RYR3: variants seen among roughly 807,000 people sequenced by gnomAD.
RYR3 encodes brain ryanodine receptor-calcium release channel.
RYR3 carries 207 observed loss-of-function variants against 584.3 expected under a neutral mutation model. The observed-to-expected ratio is 0.35, with a 90% CI of 0.32 to 0.40. RYR3 has a LOEUF of 0.40. RYR3 is among the 10% of genes least tolerant of loss of function. RYR3 has a pLI of 1.00. For synonymous variants in RYR3, 2,416 were observed against 2,248.5 expected (o/e 1.07, Z -2.11); for missense variants, 5,616 against 6,089.2 (o/e 0.92, Z 2.59).
chr15:33,356,773 A>G (rs546104487), intron 1 of RYR3, among the ~76,000 whole-genome samples: 1 of 152,260 alleles, frequency 6.6e-6, no homozygotes, highest in Admixed American at 6.5e-5. Flanking sequence ...TAGTAAGGTA[A>G]GATTGAGGTT....
intron 43 of RYR3, among the ~76,000 whole-genome samples, chr15:33,720,295 T>A (rs1258374232): frequency 6.6e-6 from 1 of 152,104 alleles, no homozygotes; most frequent in Non-Finnish European, 1.5e-5. Context: ...GTGAGACACA[T>A]TCGGTATGTT....
At chr15:33,406,473 A>G (rs866511528) in intron 1 of RYR3, among the ~76,000 whole-genome samples, 5 of 152,338 alleles carry the variant, frequency 3.3e-5, no homozygotes, top group Middle Eastern at 3.4e-3. Context: ...GTATTGACCC[A>G]TGATATTTAG....
At position 33,465,630 on chromosome 15, in the gene RYR3, A is replaced by C. The variant is rs147136974; in HGVS notation, c.52-7789A>C. The C allele has an allele frequency of 1.0e-5, 5 of 488,340 alleles. No individual in the cohort carries two copies. In the East Asian group the frequency reaches 2.9e-4, roughly 28 times the overall value. 30.3% of individuals were successfully genotyped at this position (488,340 alleles called of 1,614,324 possible). On this transcript the variant is annotated intron_variant, in intron 1 of 103. Coordinates refer to ENST00000634891, the MANE Select transcript of RYR3 (RefSeq NM_001036.6). ...AGTGATTGGAGGCTTTCAAGTCGTG[A>C]AATGATGCGATCTCAGGTTTTTAAA...
chr15:33,803,362 A>G (rs1596677644), intron 69 of RYR3, among the ~76,000 whole-genome samples: 1 of 152,184 alleles, frequency 6.6e-6, no homozygotes, highest in East Asian at 1.9e-4. Context: ...CTGTCATATG[A>G]TGTAGACGAG....
chr15:33,597,443 T>C (rs967461842), intron 16 of RYR3, among the ~76,000 whole-genome samples: 1 of 152,076 alleles, frequency 6.6e-6, no homozygotes, highest in African/African-American at 2.4e-5. Context: ...AGTGAAACCC[T>C]GTCTCTACTA....
intron 3 of RYR3, among the ~76,000 whole-genome samples, chr15:33,505,694 G>T (rs890596526): frequency 9.2e-5 from 14 of 151,634 alleles, no homozygotes; most frequent in Non-Finnish European, 1.3e-4. Flanking sequence ...GGGTTTCACC[G>T]TGTTAGCCAG....
intron 10 of RYR3, among the ~76,000 whole-genome samples, chr15:33,556,308 C>T (rs922440032): frequency 3.9e-5 from 6 of 152,164 alleles, no homozygotes; most frequent in African/African-American, 1.4e-4. Context: ...TCAACCATCT[C>T]CAGCCATGTT....
At chr15:33,827,562 C>T (rs981965023) in intron 85 of RYR3, among the ~76,000 whole-genome samples, 1 of 152,104 alleles carries the variant, frequency 6.6e-6, no homozygotes, top group Non-Finnish European at 1.5e-5. Flanking sequence ...TATAAAACAA[C>T]CAAGAGCTAT....
chr15:33,585,758 G>C (rs548010368), intron 15 of RYR3, among the ~76,000 whole-genome samples: 1 of 152,210 alleles, frequency 6.6e-6, no homozygotes, highest in Non-Finnish European at 1.5e-5. Flanking sequence ...CAGGAAGCGG[G>C]AGATAGGGTT....
intron 85 of RYR3, 54 bp from the exon 86 acceptor site, chr15:33,830,909 T>G (rs1263833290): frequency 4.3e-5 from 69 of 1,588,254 alleles, no homozygotes; most frequent in Non-Finnish European, 2.6e-6. Flanking sequence ...ACACCGAGTT[T>G]AGCTTCACTG....
At position 33,662,934 on chromosome 15, in the gene RYR3, T is replaced by G. The variant is rs2063252894; in HGVS notation, c.5404T>G (p.Ser1802Ala). ...KGLLQTRLPE[S>A]VKLQMCELLS... ...CTTGTTGCAGACTCGATTACCCGAA[T>G]CCGTCAAGCTGCAGGTAAGCTGCAG... The change falls in exon 35 of 104, where the codon TCC (serine) becomes GCC (alanine). Residue 1802 changes from serine (S) to alanine (A), a missense_variant. Physicochemically the swap from Ser to Ala is moderately conservative, Grantham distance 99. This residue lies in a region of RYR3 where 753 missense variants were observed against 741.0 expected (regional missense o/e 1.02). Coordinates refer to ENST00000634891, the MANE Select transcript of RYR3 (RefSeq NM_001036.6). 6.2e-7 allele frequency: 1 copy of G among 1,612,162 alleles called. No individual in the cohort carries two copies. The highest frequency in any genetic ancestry group is 8.5e-7 in the Non-Finnish European group (1 of 1,179,190).
intron 51 of RYR3, among the ~76,000 whole-genome samples, chr15:33,742,068 C>A (rs1333594037): frequency 1.3e-5 from 2 of 152,172 alleles, no homozygotes; most frequent in Non-Finnish European, 2.9e-5. Flanking sequence ...GCTGTCTAAC[C>A]AAGACAGGTC....
chr15:33,842,180 T>A, intron 91 of RYR3, 145 bp downstream of exon 91: 1 of 911,764 alleles, frequency 1.1e-6, no homozygotes, highest in Non-Finnish European at 1.6e-6. Flanking sequence ...CCCATGTGTC[T>A]ACCTATTCCT....
intron 1 of RYR3, among the ~76,000 whole-genome samples, chr15:33,426,298 G>C (rs1020680999): frequency 6.6e-6 from 1 of 152,004 alleles, no homozygotes; most frequent in Non-Finnish European, 1.5e-5. Flanking sequence ...TTTTTTTTAA[G>C]AAAACGTGGC....
chr15:33,588,440 C>T (rs1278545330), intron 16 of RYR3, among the ~76,000 whole-genome samples: 4 of 151,956 alleles, frequency 2.6e-5, no homozygotes, highest in Non-Finnish European at 4.4e-5. Context: ...AAAAATTCAC[C>T]CTAGAAAGCA....
intron 1 of RYR3, among the ~76,000 whole-genome samples, chr15:33,421,378 T>C (rs1405594063): frequency 6.6e-6 from 1 of 152,176 alleles, no homozygotes; most frequent in Non-Finnish European, 1.5e-5. Context: ...GGAGTTGTTG[T>C]ATGAATCCAG....
chr15:33,852,636 T>C (rs2079221554), intron 94 of RYR3: 1 of 166,426 alleles, frequency 6.0e-6, no homozygotes, highest in Non-Finnish European at 1.3e-5. Context: ...CGCATCGCCA[T>C]TATCTACCCC....
At chr15:33,830,843 C>G (rs1438443455) in intron 85 of RYR3, 120 bp from the exon 86 acceptor site, 4 of 990,914 alleles carry the variant, frequency 4.0e-6, no homozygotes, top group Non-Finnish European at 4.3e-6. Flanking sequence ...GGGTCCCTGG[C>G]TCCTGTCAGA....
intron 1 of RYR3, among the ~76,000 whole-genome samples, chr15:33,446,318 C>G (rs193175128): frequency 2.2e-3 from 330 of 152,288 alleles, no homozygotes; most frequent in African/African-American, 7.8e-3. Flanking sequence ...AGAATAAATA[C>G]TAATATTTCT....
Sources: allele counts gnomAD v4.1 joint callset (sites outside exome capture counted in the v4.1 genomes callset), GRCh38; gene constraint gnomAD v4.1.1; regional missense constraint gnomAD v4.1.1; transcripts MANE v1.5; gene names NCBI Gene and HGNC (gene_info 2026-07-23, HGNC 2026-07-21).